KIAA1549L: variants seen among roughly 807,000 people sequenced by gnomAD.
The protein encoded by KIAA1549L is KIAA1549 like, also known as UPF0606 protein KIAA1549L.
KIAA1549L carries 88 observed loss-of-function variants against 160.7 expected under a neutral mutation model. The observed-to-expected ratio is 0.55, with a 90% CI of 0.46 to 0.65. The LOEUF (loss-of-function observed/expected upper bound fraction) is 0.65. Among genes scored for constraint, KIAA1549L ranks in the 30% least tolerant of loss-of-function variants. The pLI, the probability that KIAA1549L is intolerant of heterozygous loss-of-function variation, is 0.00. For synonymous variants in KIAA1549L, 950 were observed against 976.7 expected (o/e 0.97, Z 0.51); for missense variants, 2,258 against 2,437.5 (o/e 0.93, Z 1.55).
chr11:33,614,047 C>T (rs1489045392), intron 15 of KIAA1549L, among the ~76,000 whole-genome samples: 1 of 152,108 alleles, frequency 6.6e-6, no homozygotes, highest in Non-Finnish European at 1.5e-5. Flanking sequence ...TCGGCAGCCA[C>T]CAACCAGAAG....
chr11:33,405,659 T>G (rs1474214121), intron 1 of KIAA1549L, among the ~76,000 whole-genome samples: 1 of 151,712 alleles, frequency 6.6e-6, no homozygotes, highest in Admixed American at 6.6e-5. Flanking sequence ...CTGGCCAACA[T>G]GGTGAAACCC....
chr11:33,602,565 C>A (rs1485618435), intron 13 of KIAA1549L, among the ~76,000 whole-genome samples: 1 of 152,096 alleles, frequency 6.6e-6, no homozygotes, highest in Non-Finnish European at 1.5e-5. Flanking sequence ...CTCTGTCCAA[C>A]CTGATTTACT....
chr11:33,402,064 C>A (rs896715441), intron 1 of KIAA1549L, among the ~76,000 whole-genome samples: 1 of 152,166 alleles, frequency 6.6e-6, no homozygotes, highest in Admixed American at 6.5e-5. Context: ...CTTACAGCAT[C>A]GAGGGGTCAG....
chr11:33,377,459 C>T (rs1339133612), intron 1 of KIAA1549L, among the ~76,000 whole-genome samples: 1 of 152,168 alleles, frequency 6.6e-6, no homozygotes, highest in Non-Finnish European at 1.5e-5. Context: ...TAAAAATAGT[C>T]ATGCTTGGCT....
intron 17 of KIAA1549L, among the ~76,000 whole-genome samples, chr11:33,652,739 TG>T (rs1851934206): frequency 6.6e-6 from 1 of 152,180 alleles, no homozygotes. Flanking sequence ...TTGATAGTCA[TG>T]GAGGGTAAAG....
intron 1 of KIAA1549L, among the ~76,000 whole-genome samples, chr11:33,419,413 T>C (rs1299961020): frequency 2.0e-5 from 3 of 152,262 alleles, no homozygotes; most frequent in Non-Finnish European, 4.4e-5. Context: ...ATCCATTTTG[T>C]AGGCACAATG....
intron 1 of KIAA1549L, among the ~76,000 whole-genome samples, chr11:33,390,222 G>A (rs1315466446): frequency 2.0e-5 from 3 of 152,130 alleles, no homozygotes; most frequent in African/African-American, 4.8e-5. Context: ...CAGGCAGTTC[G>A]ATTCCAGAGC....
At chr11:33,531,390 G>T (rs1027043595) in intron 1 of KIAA1549L, among the ~76,000 whole-genome samples, 1 of 152,154 alleles carries the variant, frequency 6.6e-6, no homozygotes, top group Non-Finnish European at 1.5e-5. Context: ...CAGGAGAATT[G>T]CTTGAACATG....
intron 17 of KIAA1549L, among the ~76,000 whole-genome samples, chr11:33,651,507 G>A (rs1446391794): frequency 4.6e-5 from 7 of 151,186 alleles, no homozygotes. Flanking sequence ...TTCTTCCCTG[G>A]GACAGGGAAA....
chr11:33,658,881 C>G lies in KIAA1549L; in HGVS notation c.5990C>G (p.Ser1997Trp). The G allele has an allele frequency of 6.4e-7, 1 of 1,557,246 alleles. No individual in the cohort carries two copies. The highest frequency in any genetic ancestry group is 8.7e-7 in the Non-Finnish European group (1 of 1,150,496). ...GTGTCCGTGACGCAGTTGGATCAGT[C>G]GGCTTTAAATTACTCAGGTGGGCAA... ...GPVSVTQLDQ[S>W]ALNYSGNTVP... The change falls in exon 19 of 21, where the codon TCG becomes TGG. Residue 1997 changes from serine (S) to tryptophan (W), a missense_variant. Transcript: ENST00000658780.
intron 9 of KIAA1549L, among the ~76,000 whole-genome samples, chr11:33,570,005 TC>T (rs1270114552): frequency 9.2e-4 from 34 of 36,788 alleles, no homozygotes; most frequent in Admixed American, 2.9e-3. Flanking sequence ...TCTCTCTCTC[TC>T]TTTTTTTTTT....
chr11:33,551,579 C>CA (rs59152356), intron 5 of KIAA1549L, among the ~76,000 whole-genome samples: 42,837 of 146,402 alleles, frequency 0.29, 6,610 homozygotes, highest in East Asian at 0.65. Context: ...GTTGAACATG[C>CA]AAAAAAAAAA....
intron 1 of KIAA1549L, among the ~76,000 whole-genome samples, chr11:33,468,726 C>T (rs942091511): frequency 6.6e-6 from 1 of 152,186 alleles, no homozygotes; most frequent in Non-Finnish European, 1.5e-5. Flanking sequence ...AAATACATAT[C>T]ATAACGAACT....
At chr11:33,604,462 T>C (rs1242869773) in intron 13 of KIAA1549L, among the ~76,000 whole-genome samples, 1 of 152,192 alleles carries the variant, frequency 6.6e-6, no homozygotes, top group Non-Finnish European at 1.5e-5. Context: ...CCTGGGTATC[T>C]ACCCAAATGA....
intron 7 of KIAA1549L, among the ~76,000 whole-genome samples, chr11:33,560,168 G>T (rs756545783): frequency 1.9e-4 from 29 of 152,178 alleles, no homozygotes; most frequent in Non-Finnish European, 3.7e-4. Flanking sequence ...AGTTGCCTTC[G>T]TCCTTTGCAT....
intron 1 of KIAA1549L, among the ~76,000 whole-genome samples, chr11:33,445,037 AG>A (rs771511101): frequency 4.6e-5 from 7 of 152,222 alleles, no homozygotes; most frequent in Admixed American, 3.3e-4. Flanking sequence ...AGTGAAGTCC[AG>A]GGATGCAGAA....
chr11:33,528,377 G>T (rs1425452646), intron 1 of KIAA1549L, among the ~76,000 whole-genome samples: 1 of 152,186 alleles, frequency 6.6e-6, no homozygotes, highest in African/African-American at 2.4e-5. Flanking sequence ...CACTGTTGGT[G>T]GGAATGTAAA....
At chr11:33,605,660 A>G (rs757344853) in intron 13 of KIAA1549L, among the ~76,000 whole-genome samples, 87 of 152,210 alleles carry the variant, frequency 5.7e-4, no homozygotes, top group Non-Finnish European at 2.2e-4. Context: ...AATTTAAATA[A>G]CATCCCAATC....
intron 16 of KIAA1549L, among the ~76,000 whole-genome samples, chr11:33,641,572 G>GTGTATATATA (rs1851580350): frequency 1.0e-5 from 1 of 96,718 alleles, no homozygotes; most frequent in African/African-American, 3.0e-5. Flanking sequence ...TAATGGATCT[G>GTGTATATATA]TATATATATA....
Sources: gnomAD v4.1 joint callset for allele counts (sites outside exome capture counted in the v4.1 genomes callset) on GRCh38, gnomAD v4.1.1 for gene constraint, MANE v1.5 for transcripts, NCBI Gene and HGNC (gene_info 2026-07-23, HGNC 2026-07-21) for gene names.